Variants in ADAMTS18 observed in about 807,000 individuals in gnomAD.
ADAMTS18 encodes A disintegrin and metalloproteinase with thrombospondin motifs 18.
ADAMTS18 carries 157 observed loss-of-function variants against 165.9 expected under a neutral mutation model. The ratio of observed to expected loss-of-function variants is 0.95; its 90% CI spans 0.83 to 1.08. The LOEUF (loss-of-function observed/expected upper bound fraction) is 1.08. Ranked by LOEUF, ADAMTS18 falls within the 50% of genes least tolerant of loss-of-function variation. The pLI is 0.00. For missense variants in ADAMTS18, 2,040 were observed against 1,534.0 expected, an observed-to-expected ratio of 1.33 and a Z score of -5.51; for synonymous variants, 782 against 578.2, an observed-to-expected ratio of 1.35 and a Z score of -5.06.
Position 77,321,095 on chromosome 16 carries a change from G to A in ADAMTS18, c.2271C>T (p.Asn757=). The A allele has an allele frequency of 6.2e-7, 1 of 1,614,154 alleles. No homozygotes were observed. The highest frequency in any genetic ancestry group is 2.2e-5 in the East Asian group (1 of 44,876). The stretch of plus-strand genomic sequence containing the variant: ...ATCTCTCACCATTTGCTTTATGCTG[G>A]TTGAGGTACAGGCCTTTATAAAACT... ...TCKFYKGLYL[N]QHKANEYYPV... The change falls in exon 15 of 23, where the codon AAC becomes AAT. Residue 757 remains asparagine (N), a synonymous_variant. Transcript: ENST00000282849.
Position 77,342,855 on chromosome 16 carries a change from G to A in ADAMTS18, c.1615-1056C>T, listed in dbSNP as rs189715578. The stretch of plus-strand genomic sequence containing the variant: ...AAATTTTCCAGGTGGGCCTAACATA[G>A]TCACAAGAGTCCTTATATGGGAAAG... On this transcript the variant is annotated intron_variant, in intron 10 of 22. Transcript: ENST00000282849. Among the ~76,000 whole-genome samples, 587 of 152,270 alleles carry A rather than the reference G, an allele frequency of 3.9e-3. 11 individuals are homozygous for A. Among genetic ancestry groups the A allele is most frequent in the Non-Finnish European group, 7.6e-4 (52 of 68,028 alleles).
chr16:77,424,825 G>A (rs1418317391), intron 3 of ADAMTS18, among the ~76,000 whole-genome samples: 1 of 152,120 alleles, frequency 6.6e-6, no homozygotes, highest in African/African-American at 2.4e-5. Flanking sequence ...AACTTCACAT[G>A]ATCCTCTCAA....
At chr16:77,428,668 T>A (rs2057702680) in intron 3 of ADAMTS18, among the ~76,000 whole-genome samples, 1 of 152,146 alleles carries the variant, frequency 6.6e-6, no homozygotes. Flanking sequence ...AATCCAAAAA[T>A]TTGAAATCTG....
intron 3 of ADAMTS18, among the ~76,000 whole-genome samples, chr16:77,424,860 G>A (rs546343118): frequency 2.0e-5 from 3 of 152,150 alleles, no homozygotes; most frequent in East Asian, 1.9e-4. Flanking sequence ...CCAAGGGGGT[G>A]TATGTAATTC....
chr16:77,383,890 T>C (rs1207793618), intron 3 of ADAMTS18, among the ~76,000 whole-genome samples: 1 of 152,108 alleles, frequency 6.6e-6, no homozygotes, highest in African/African-American at 2.4e-5. Flanking sequence ...ATAGGATGCT[T>C]CAAAGGTCAC....
At chr16:77,411,748 G>A (rs1313981844) in intron 3 of ADAMTS18, among the ~76,000 whole-genome samples, 11 of 139,028 alleles carry the variant, frequency 7.9e-5, no homozygotes, top group African/African-American at 2.7e-4. Context: ...GTGCAGTGGC[G>A]CAATCTTGGC....
At chr16:77,287,217 AAAG>A (rs1376395593) in intron 22 of ADAMTS18, among the ~76,000 whole-genome samples, 1 of 152,200 alleles carries the variant, frequency 6.6e-6, no homozygotes, top group South Asian at 2.1e-4. Flanking sequence ...GAGAAGAGGC[AAAG>A]AACGGAATCT....
intron 10 of ADAMTS18, among the ~76,000 whole-genome samples, chr16:77,347,917 T>C (rs2056501115): frequency 1.3e-5 from 2 of 152,268 alleles, no homozygotes; most frequent in African/African-American, 2.4e-5. Context: ...ATCTAGAAAA[T>C]GTTAATAATA....
intron 3 of ADAMTS18, among the ~76,000 whole-genome samples, chr16:77,397,117 T>A (rs2057268458): frequency 6.6e-6 from 1 of 152,210 alleles, no homozygotes; most frequent in African/African-American, 2.4e-5. Context: ...CCTGGATTGC[T>A]TTCTAGGAGA....
intron 3 of ADAMTS18, among the ~76,000 whole-genome samples, chr16:77,378,398 T>C (rs1597197393): frequency 6.7e-6 from 1 of 149,690 alleles, no homozygotes; most frequent in Middle Eastern, 3.5e-3. Flanking sequence ...TTTTAGAGGA[T>C]TAAATGAGTT....
intron 3 of ADAMTS18, among the ~76,000 whole-genome samples, chr16:77,422,411 A>G (rs1309117706): frequency 1.3e-5 from 2 of 151,822 alleles, no homozygotes; most frequent in Non-Finnish European, 2.9e-5. Context: ...AAGAAGAGCC[A>G]AGAGAAAGAC....
chr16:77,308,897 G>A (rs957692924), intron 16 of ADAMTS18, among the ~76,000 whole-genome samples: 1 of 152,098 alleles, frequency 6.6e-6, no homozygotes. Context: ...TAGATATTCA[G>A]GAGTGGAGAA....
intron 10 of ADAMTS18, among the ~76,000 whole-genome samples, chr16:77,342,548 C>T (rs1406644369): frequency 1.3e-5 from 2 of 152,196 alleles, no homozygotes; most frequent in Non-Finnish European, 2.9e-5. Flanking sequence ...ACCTCAGTCT[C>T]CCAAACTGTT....
Position 77,316,417 on chromosome 16 carries a change from G to C in ADAMTS18, c.2532+3432C>G, listed in dbSNP as rs148020833. On this transcript the variant is annotated intron_variant, in intron 16 of 22. Transcript: ENST00000282849. ...CTATAGGCATGCGCCACCATACCCA[G>C]CTAATTTTTGTATTTTTCAGTAGAG... 7.8e-3 allele frequency among the ~76,000 whole-genome samples: 1,184 copies of C among 152,146 alleles called. 16 individuals are homozygous for C. The highest frequency in any genetic ancestry group is 0.027 in the African/African-American group (1,113 of 41,500).
At chr16:77,401,028 G>T (rs1342143352) in intron 3 of ADAMTS18, among the ~76,000 whole-genome samples, 2 of 152,016 alleles carry the variant, frequency 1.3e-5, no homozygotes, top group African/African-American at 4.8e-5. Context: ...GGCTGAGGTG[G>T]GTGGATCACC....
At chr16:77,365,155 G>A (rs1597176515) in intron 4 of ADAMTS18, among the ~76,000 whole-genome samples, 1 of 142,890 alleles carries the variant, frequency 7.0e-6, no homozygotes, top group African/African-American at 2.7e-5. Flanking sequence ...AGAGTCTCTG[G>A]GTGACAGAGT....
rs376019558 is a variant in ADAMTS18 at position 77,415,280 on chromosome 16, A to G, written c.495+16015T>C. 7.2e-4 allele frequency among the ~76,000 whole-genome samples: 110 copies of G among 152,360 alleles called. 1 individual carries two copies. The highest frequency in any genetic ancestry group is 6.8e-3 in the Middle Eastern group (2 of 294). ...TAGGAGCTCTTTGCGGAAAGTGTCT[A>G]TAACTCATTCATTTCTATCATAGTT... On this transcript the variant is annotated intron_variant, in intron 3 of 22. Transcript: ENST00000282849.
At chr16:77,420,186 T>C (rs1456065397) in intron 3 of ADAMTS18, among the ~76,000 whole-genome samples, 1 of 151,512 alleles carries the variant, frequency 6.6e-6, no homozygotes, top group Non-Finnish European at 1.5e-5. Context: ...ACTCTCTGCA[T>C]ACATGCTGCA....
At chr16:77,378,158 T>C (rs936194628) in intron 3 of ADAMTS18, among the ~76,000 whole-genome samples, 1 of 151,342 alleles carries the variant, frequency 6.6e-6, no homozygotes, top group African/African-American at 2.4e-5. Flanking sequence ...GATCCATCTC[T>C]ACTAAAATAA....
Sources: gnomAD v4.1 joint callset for allele counts (sites outside exome capture counted in the v4.1 genomes callset) on GRCh38, gnomAD v4.1.1 for gene constraint, MANE v1.5 for transcripts, NCBI Gene and HGNC (gene_info 2026-07-23, HGNC 2026-07-21) for gene names.